Variants in BABAM2 observed in about 807,000 individuals in gnomAD.
BABAM2 encodes the protein BRISC and BRCA1 A complex member 2, also known as BRISC and BRCA1-A complex member 2.
A neutral mutation model predicts 54.7 loss-of-function variants in BABAM2; 31 were observed. That is an observed-to-expected ratio of 0.57 (90% CI 0.43 to 0.77). The LOEUF is 0.77. Among genes scored for constraint, BABAM2 ranks in the 30% least tolerant of loss-of-function variants. The pLI, the probability that BABAM2 is intolerant of heterozygous loss-of-function variation, is 0.00. For missense variants in BABAM2, 364 were observed against 455.8 expected (o/e 0.80, Z 1.83); for synonymous variants, 167 against 162.9 (o/e 1.03, Z -0.19).
intron 10 of BABAM2, among the ~76,000 whole-genome samples, chr2:28,266,146 G>C (rs549577600): frequency 6.6e-6 from 1 of 151,924 alleles, no homozygotes; most frequent in Non-Finnish European, 1.5e-5. Context: ...CACCACGCTC[G>C]GCTAAGTTTT....
At chr2:28,101,563 C>T (rs539953605) in intron 6 of BABAM2, among the ~76,000 whole-genome samples, 64 of 152,268 alleles carry the variant, frequency 4.2e-4, no homozygotes, top group African/African-American at 1.2e-3. Flanking sequence ...CTGTGAATTA[C>T]AGGGCCTCAC....
chr2:27,909,934 G>A (rs952714259), intron 2 of BABAM2, among the ~76,000 whole-genome samples: 6 of 152,156 alleles, frequency 3.9e-5, no homozygotes, highest in African/African-American at 7.2e-5. Flanking sequence ...ATTTTTCATT[G>A]TAATGTAAGT....
chr2:28,098,223 G>A (rs957873668), intron 6 of BABAM2, among the ~76,000 whole-genome samples: 5 of 152,100 alleles, frequency 3.3e-5, no homozygotes. Flanking sequence ...CTTTAATTCT[G>A]CTGTCAGACT....
At chr2:28,186,096 A>G (rs1262061517) in intron 7 of BABAM2, among the ~76,000 whole-genome samples, 1 of 152,204 alleles carries the variant, frequency 6.6e-6, no homozygotes, top group Non-Finnish European at 1.5e-5. Flanking sequence ...ATGAATGCAA[A>G]GTAATGCATT....
chr2:28,282,754 T>C (rs111378714), intron 10 of BABAM2, among the ~76,000 whole-genome samples: 21,599 of 151,858 alleles, frequency 0.14, 1,839 homozygotes, highest in African/African-American at 0.23. Context: ...AATCCCAGTA[T>C]TTTGGGAGGC....
Position 28,179,264 on chromosome 2 carries a change from C to T in BABAM2, c.680+49884C>T, listed in dbSNP as rs534205148. On this transcript the variant is annotated intron_variant, in intron 7 of 11. Transcript: ENST00000379624. ...CACTAGCAAATCAAACCCAACAGCA[C>T]ATCAAAAAAGGTAATGTAGCATGAT... Among the ~76,000 whole-genome samples, 107 of 152,164 alleles carry T rather than the reference C, an allele frequency of 7.0e-4. 2 individuals are homozygous for T. In the South Asian group the frequency reaches 0.019, roughly 27 times the overall value.
At chr2:28,082,219 TA>T (rs1232099391) in intron 6 of BABAM2, among the ~76,000 whole-genome samples, 3 of 152,250 alleles carry the variant, frequency 2.0e-5, no homozygotes, top group Non-Finnish European at 4.4e-5. Context: ...AGTTTTAGGT[TA>T]AAAGTGTTGC....
intron 10 of BABAM2, among the ~76,000 whole-genome samples, chr2:28,254,906 A>T (rs2337703): frequency 0.66 from 99,106 of 151,222 alleles, 34,967 homozygotes; most frequent in East Asian, 0.99. Context: ...CTAATTTTTT[A>T]AAAATTTTTC....
chr2:27,954,704 CTCAA>C (rs906991641), intron 3 of BABAM2, among the ~76,000 whole-genome samples: 3 of 152,174 alleles, frequency 2.0e-5, no homozygotes, highest in African/African-American at 4.8e-5. Context: ...TATCACGTTT[CTCAA>C]TCAATTTCTT....
chr2:28,263,832 TTC>T (rs1038059733), intron 10 of BABAM2, among the ~76,000 whole-genome samples: 5 of 152,252 alleles, frequency 3.3e-5, no homozygotes, highest in Admixed American at 6.5e-5. Flanking sequence ...CTGTGGAACT[TTC>T]TCTTTGTACT....
At chr2:28,002,188 C>G (rs1000442292) in intron 4 of BABAM2, among the ~76,000 whole-genome samples, 1 of 152,116 alleles carries the variant, frequency 6.6e-6, no homozygotes, top group Non-Finnish European at 1.5e-5. Flanking sequence ...CTTCTGCTCA[C>G]GCTGATATTA....
chr2:27,980,312 G>A (rs1055594255), intron 3 of BABAM2, among the ~76,000 whole-genome samples: 8 of 152,046 alleles, frequency 5.3e-5, no homozygotes, highest in African/African-American at 1.9e-4. Context: ...CTGCTCCAGG[G>A]TGAAATAAAG....
chr2:28,235,536 G>A (rs1237709589), intron 7 of BABAM2, among the ~76,000 whole-genome samples: 1 of 152,176 alleles, frequency 6.6e-6, no homozygotes, highest in Admixed American at 6.5e-5. Context: ...TAGGGAGACA[G>A]GATGGGTTTG....
chr2:28,008,368 T>A (rs959052583), intron 4 of BABAM2, among the ~76,000 whole-genome samples: 4 of 152,128 alleles, frequency 2.6e-5, no homozygotes, highest in African/African-American at 7.2e-5. Flanking sequence ...GTAATCTTAC[T>A]TGTAGCAGGG....
chr2:28,270,024 T>C (rs935710279), intron 10 of BABAM2, among the ~76,000 whole-genome samples: 2 of 152,198 alleles, frequency 1.3e-5, no homozygotes, highest in African/African-American at 4.8e-5. Context: ...GAAACAGGGT[T>C]AAGCCTATTA....
At chr2:28,256,827 T>C (rs936647865) in intron 10 of BABAM2, among the ~76,000 whole-genome samples, 3 of 151,600 alleles carry the variant, frequency 2.0e-5, no homozygotes, top group African/African-American at 7.3e-5. Flanking sequence ...CCCAAATAGC[T>C]GGGATTACAG....
intron 3 of BABAM2, among the ~76,000 whole-genome samples, chr2:27,950,531 A>AT (rs1367889974): frequency 6.6e-6 from 1 of 152,010 alleles, no homozygotes; most frequent in Non-Finnish European, 1.5e-5. Flanking sequence ...TCCTTTCTCT[A>AT]TATTGTTGGA....
At chr2:28,059,609 G>A (rs1054655827) in intron 6 of BABAM2, among the ~76,000 whole-genome samples, 1 of 152,158 alleles carries the variant, frequency 6.6e-6, no homozygotes, top group Non-Finnish European at 1.5e-5. Flanking sequence ...TCACAAGTAT[G>A]GTCCAAGGAC....
chr2:27,895,387 G>A (rs1310998347), intron 2 of BABAM2, among the ~76,000 whole-genome samples: 1 of 152,136 alleles, frequency 6.6e-6, no homozygotes, highest in Non-Finnish European at 1.5e-5. Flanking sequence ...CACTTTTAAA[G>A]AGTACTGGCT....
Sources: gnomAD v4.1 joint callset for allele counts (sites outside exome capture counted in the v4.1 genomes callset) on GRCh38, gnomAD v4.1.1 for gene constraint, MANE v1.5 for transcripts, NCBI Gene and HGNC (gene_info 2026-07-23, HGNC 2026-07-21) for gene names.